The following CADPS2 variants were observed in gnomAD, a reference collection of about 807,000 sequenced individuals.
CADPS2 encodes the protein calcium-dependent secretion activator 2.
CADPS2 carries 93 observed loss-of-function variants against 172.5 expected under a neutral mutation model. The ratio of observed to expected loss-of-function variants is 0.54; its 90% CI spans 0.46 to 0.64. CADPS2 has a LOEUF of 0.64. Ranked by LOEUF, CADPS2 falls within the 30% of genes least tolerant of loss-of-function variation. The pLI is 0.00. For synonymous variants in CADPS2, 546 were observed against 555.2 expected, an observed-to-expected ratio of 0.98 and a Z score of 0.23; for missense variants, 1,420 against 1,565.9, an observed-to-expected ratio of 0.91 and a Z score of 1.57.
At chr7:122,482,253 T>G (rs748262858) in intron 11 of CADPS2, among the ~76,000 whole-genome samples, 17 of 152,176 alleles carry the variant, frequency 1.1e-4, no homozygotes, top group Admixed American at 2.6e-4. Context: ...GGTTCTCAAC[T>G]GGGGGTGATT....
At chr7:122,873,293 G>A (rs1292060661) in intron 1 of CADPS2, among the ~76,000 whole-genome samples, 1 of 152,108 alleles carries the variant, frequency 6.6e-6, no homozygotes, top group East Asian at 1.9e-4. Context: ...ATCTACATTA[G>A]GTATTTCTCA....
intron 14 of CADPS2, among the ~76,000 whole-genome samples, chr7:122,465,740 T>C (rs1291862888): frequency 6.6e-6 from 1 of 152,138 alleles, no homozygotes; most frequent in East Asian, 1.9e-4. Flanking sequence ...AAAGATGAGA[T>C]ACTGGTAAAC....
intron 2 of CADPS2, among the ~76,000 whole-genome samples, chr7:122,692,272 TG>T (rs2084475266): frequency 6.6e-6 from 1 of 151,998 alleles, no homozygotes; most frequent in South Asian, 2.1e-4. Context: ...ACCACGGTGG[TG>T]GGGGGAGGGT....
chr7:122,346,027 G>A (rs574739903), intron 27 of CADPS2, among the ~76,000 whole-genome samples: 1 of 148,692 alleles, frequency 6.7e-6, no homozygotes, highest in African/African-American at 2.5e-5. Context: ...TTTCCCAGTT[G>A]CAAATACAAT....
At chr7:122,745,240 C>G (rs1010410346) in intron 1 of CADPS2, among the ~76,000 whole-genome samples, 1 of 151,774 alleles carries the variant, frequency 6.6e-6, no homozygotes, top group Non-Finnish European at 1.5e-5. Context: ...ACTAGATCCC[C>G]AGAACATTTT....
At chr7:122,844,904 G>GT (rs896242486) in intron 1 of CADPS2, among the ~76,000 whole-genome samples, 13 of 141,066 alleles carry the variant, frequency 9.2e-5, no homozygotes, top group African/African-American at 3.8e-4. Flanking sequence ...ATGAAAAAAG[G>GT]TAAAAAAAAA....
chr7:122,612,478 G>A (rs985069296), intron 6 of CADPS2, among the ~76,000 whole-genome samples: 15 of 151,850 alleles, frequency 9.9e-5, no homozygotes, highest in African/African-American at 3.6e-4. Flanking sequence ...AGAAATACAT[G>A]TAACAAAAAA....
At chr7:122,552,866 AC>A (rs2064500377) in intron 8 of CADPS2, among the ~76,000 whole-genome samples, 1 of 151,732 alleles carries the variant, frequency 6.6e-6, no homozygotes, top group South Asian at 2.1e-4. Flanking sequence ...AGTTCCTGGA[AC>A]ATACTGTGTT....
intron 1 of CADPS2, among the ~76,000 whole-genome samples, chr7:122,812,406 T>C (rs1002697523): frequency 6.7e-6 from 1 of 149,658 alleles, no homozygotes; most frequent in African/African-American, 2.5e-5. Flanking sequence ...AAAACACTTG[T>C]TTGGAAAAAA....
intron 1 of CADPS2, among the ~76,000 whole-genome samples, chr7:122,870,307 A>T (rs965032241): frequency 6.6e-6 from 1 of 152,056 alleles, no homozygotes; most frequent in Non-Finnish European, 1.5e-5. Flanking sequence ...AGGGGTAGCT[A>T]TACATATCAG....
chr7:122,877,328 C>T (rs961008093), intron 1 of CADPS2, among the ~76,000 whole-genome samples: 9 of 152,114 alleles, frequency 5.9e-5, no homozygotes, highest in African/African-American at 2.2e-4. Flanking sequence ...TAGTAAAGCA[C>T]CAAAAACATT....
intron 8 of CADPS2, among the ~76,000 whole-genome samples, chr7:122,532,030 CA>C (rs11326243): frequency 0.52 from 68,593 of 131,528 alleles, 15,732 homozygotes; most frequent in Admixed American, 0.56. Flanking sequence ...GACTCCGTCT[CA>C]AAAAAAAAAA....
intron 22 of CADPS2, among the ~76,000 whole-genome samples, chr7:122,391,791 G>T (rs1323337699): frequency 6.6e-6 from 1 of 152,098 alleles, no homozygotes; most frequent in Non-Finnish European, 1.5e-5. Context: ...ACTGGGTGTG[G>T]ATTTGCAGTT....
chr7:122,618,043 C>CAAA lies in CADPS2; in HGVS notation c.1105-2747_1105-2745dup, dbSNP rs35600638. On this transcript the variant is annotated intron_variant, in intron 5 of 29. Coordinates refer to ENST00000449022, the MANE Select transcript of CADPS2 (RefSeq NM_017954.11). ...TGGGCGACAGTGCAAGATTCCATCT[C>CAAA]AAAAAAAAAAAAAATCAACTATATT... 7.6e-4 allele frequency among the ~76,000 whole-genome samples: 111 copies of CAAA among 145,678 alleles called. 2 individuals are homozygous for CAAA. Among genetic ancestry groups the CAAA allele is most frequent in the East Asian group, 3.9e-3 (19 of 4,914 alleles).
chr7:122,694,189 G>A (rs933656290), intron 2 of CADPS2, among the ~76,000 whole-genome samples: 3 of 152,202 alleles, frequency 2.0e-5, no homozygotes, highest in African/African-American at 7.2e-5. Flanking sequence ...ACTTACAATT[G>A]CTTCTAGGCT....
At chr7:122,510,507 T>C (rs925192215) in intron 9 of CADPS2, among the ~76,000 whole-genome samples, 1 of 152,182 alleles carries the variant, frequency 6.6e-6, no homozygotes, top group African/African-American at 2.4e-5. Flanking sequence ...ACTTTGCAGC[T>C]GGCCAAACCT....
At chr7:122,345,755 C>A in intron 27 of CADPS2, 74 bp from the exon 28 acceptor site, 1 of 973,034 alleles carries the variant, frequency 1.0e-6, no homozygotes. Flanking sequence ...TAATCATACC[C>A]TGAAAAATAA....
chr7:122,537,284 A>C (rs2062400771), intron 8 of CADPS2, among the ~76,000 whole-genome samples: 1 of 141,736 alleles, frequency 7.1e-6, no homozygotes, highest in African/African-American at 2.9e-5. Context: ...TAATACAAGC[A>C]AAAAAAAAAC....
intron 2 of CADPS2, 116 bp from the exon 3 acceptor site, chr7:122,663,685 C>A (rs974789560): frequency 1.4e-6 from 1 of 725,138 alleles, no homozygotes; most frequent in Non-Finnish European, 2.2e-6. Context: ...CAGCCAAATA[C>A]TCCACAATGA....
Sources: gnomAD v4.1 joint callset for allele counts (sites outside exome capture counted in the v4.1 genomes callset) on GRCh38, gnomAD v4.1.1 for gene constraint, MANE v1.5 for transcripts, NCBI Gene and HGNC (gene_info 2026-07-23, HGNC 2026-07-21) for gene names.